Variants in ATXN2 observed in about 807,000 individuals in gnomAD.
ATXN2 encodes ataxin 2, also known as ataxin-2.
A neutral mutation model predicts 138.6 loss-of-function variants in ATXN2; 37 were observed. The ratio of observed to expected loss-of-function variants is 0.27; its 90% CI spans 0.21 to 0.35. ATXN2 has a LOEUF of 0.35. Ranked by LOEUF, ATXN2 falls within the 10% of genes least tolerant of loss-of-function variation. The pLI is 1.00. For synonymous variants in ATXN2, 549 were observed against 543.7 expected (o/e 1.01, Z -0.13); for missense variants, 1,216 against 1,480.3 (o/e 0.82, Z 2.93).
chr12:111,540,156 G>A (rs1468180966), intron 5 of ATXN2, among the ~76,000 whole-genome samples: 1 of 147,564 alleles, frequency 6.8e-6, no homozygotes, highest in African/African-American at 2.6e-5. Flanking sequence ...AGAAATTAGA[G>A]ATAATTTATC....
chr12:111,458,029 C>T (rs1875248613), intron 21 of ATXN2: 1 of 152,198 alleles, frequency 6.6e-6, no homozygotes, highest in Admixed American at 6.5e-5. Context: ...CTTCAAAGGA[C>T]AACATGATGG....
At chr12:111,551,274 G>C (rs1882103033) in intron 5 of ATXN2, among the ~76,000 whole-genome samples, 1 of 150,566 alleles carries the variant, frequency 6.6e-6, no homozygotes, top group Non-Finnish European at 1.5e-5. Context: ...TCCACCCAGG[G>C]GACAGAACAA....
chr12:111,572,524 G>T (rs551302747), intron 1 of ATXN2, among the ~76,000 whole-genome samples: 3 of 152,300 alleles, frequency 2.0e-5, no homozygotes, highest in Admixed American at 6.5e-5. Flanking sequence ...TTTAAGCAGA[G>T]GGGTAACCCA....
At chr12:111,485,379 A>G (rs777589889) in intron 17 of ATXN2, 48 bp from the exon 18 acceptor site, 1 of 1,512,110 alleles carries the variant, frequency 6.6e-7, no homozygotes, top group Non-Finnish European at 9.1e-7. Context: ...TATGATAATA[A>G]CAAGGTATTC....
chr12:111,577,366 C>T (rs570321193), intron 1 of ATXN2, among the ~76,000 whole-genome samples: 10 of 152,066 alleles, frequency 6.6e-5, no homozygotes, highest in South Asian at 2.1e-4. Flanking sequence ...CCCGGGTTCA[C>T]GCCATTCTCC....
chr12:111,474,424 A>C (rs1169491394), intron 18 of ATXN2, among the ~76,000 whole-genome samples: 2 of 152,046 alleles, frequency 1.3e-5, no homozygotes, highest in Non-Finnish European at 2.9e-5. Context: ...CAAACAAAAA[A>C]ACAAAGAAGA....
intron 5 of ATXN2, among the ~76,000 whole-genome samples, chr12:111,529,131 T>A (rs535764860): frequency 0.011 from 1,584 of 145,028 alleles, 10 homozygotes; most frequent in African/African-American, 0.016. Context: ...GTCTGGATTT[T>A]AAAAAAAAAA....
At chr12:111,557,613 C>T (rs578013360) in intron 1 of ATXN2, among the ~76,000 whole-genome samples, 1 of 152,250 alleles carries the variant, frequency 6.6e-6, no homozygotes, top group African/African-American at 2.4e-5. Flanking sequence ...AGTATCTTGA[C>T]CAAAATCATC....
intron 18 of ATXN2, among the ~76,000 whole-genome samples, chr12:111,481,141 C>T (rs1169018987): frequency 6.6e-6 from 1 of 152,114 alleles, no homozygotes; most frequent in Admixed American, 6.6e-5. Context: ...GAAATTCCAT[C>T]TCTACTAAAA....
chr12:111,487,020 A>G lies in ATXN2; in HGVS notation c.2241-196T>C, dbSNP rs111278009. On this transcript the variant is annotated intron_variant, in intron 15 of 24. Transcript: ENST00000673436. ...ATCCCTTAAAGAATACAGCCATAAA[A>G]GAACAATTTTTTAAAAATCTGAGTA... 7.9e-5 allele frequency among the ~76,000 whole-genome samples: 12 copies of G among 152,344 alleles called. 2 individuals are homozygous for G. The highest frequency in any genetic ancestry group is 2.9e-4 in the African/African-American group (12 of 41,584).
rs753517879 is a variant in ATXN2, at chr12:111,516,339, G to A, written c.1190C>T (p.Pro397Leu). The A allele has an allele frequency of 1.9e-6, 3 of 1,585,090 alleles. No homozygotes were observed. Among genetic ancestry groups the A allele is most frequent in the Admixed American group, 3.8e-5 (2 of 53,190 alleles). Reference protein sequence around the residue: ...NGGVPWPSPCPSPSSRPPSRY... With the variant: ...NGGVPWPSPCLSPSSRPPSRY... ...AGAAGGTGGGCGAGAGGAAGGAGAT[G>A]GGCAAGGCGATGGCCAGGGAACACC... The change falls in exon 10 of 25, where the codon CCA (proline) becomes CTA (leucine). Residue 397 changes from proline (P) to leucine (L), a missense_variant. Coordinates refer to ENST00000673436, the MANE Select transcript of ATXN2 (RefSeq NM_001372574.1). The surrounding 1 kb of genome is among the most constrained non-coding windows in gnomAD (Gnocchi z 5.0).
At chr12:111,560,547 T>C (rs556123991) in intron 1 of ATXN2, among the ~76,000 whole-genome samples, 1 of 151,674 alleles carries the variant, frequency 6.6e-6, no homozygotes, top group African/African-American at 2.4e-5. Flanking sequence ...GATTCTAGAG[T>C]GATGGTAGGC....
In ATXN2 at chr12:111,598,216, G is replaced by A; in HGVS notation, c.251+568C>T. The A allele has an allele frequency of 9.5e-7, 1 of 1,052,220 alleles. No individual in the cohort carries two copies. Among genetic ancestry groups the A allele is most frequent in the Non-Finnish European group, 1.2e-6 (1 of 868,186 alleles). The allele number at this position is 1,052,220 out of a possible 1,614,324, so 65.2% of individuals were successfully genotyped here. On this transcript the variant is annotated intron_variant, in intron 1 of 24. Transcript: ENST00000673436. The surrounding 1 kb of genome is among the most constrained non-coding windows in gnomAD (Gnocchi z 4.5). ...CCTCCGATCTTTCCCAGGACTCGGAGGGGGCGGGGAGAGAGCCCCGACAGA... is the reference window on the plus strand; with the variant it reads ...CCTCCGATCTTTCCCAGGACTCGGAAGGGGCGGGGAGAGAGCCCCGACAGA...
rs572229361 is a variant in ATXN2 at position 111,461,765 on chromosome 12, C to CA, written c.2896+2896dup. On this transcript the variant is annotated intron_variant, in intron 21 of 24. Transcript: ENST00000673436. ...TGAAACCCTGTCTCTACTAAAAATA[C>CA]AAAAAAAATTAGCTGGGTGTGGCAG... is the stretch of plus-strand genomic sequence containing the variant. Among the ~76,000 whole-genome samples, 718 of 151,156 alleles carry CA rather than the reference C, an allele frequency of 4.8e-3. 3 individuals are homozygous for CA. The highest frequency in any genetic ancestry group is 0.016 in the African/African-American group (663 of 41,276).
chr12:111,471,007 A>G, intron 18 of ATXN2: 1 of 444,072 alleles, frequency 2.3e-6, no homozygotes, highest in Non-Finnish European at 4.1e-6. Context: ...CCTCAGAGGG[A>G]CTTTCTCTCA....
intron 16 of ATXN2, 110 bp downstream of exon 16, chr12:111,486,651 G>T: frequency 1.3e-6 from 1 of 788,396 alleles, no homozygotes; most frequent in Non-Finnish European, 2.1e-6. Context: ...AAAGAAGGTT[G>T]GTTCAGCACA....
At position 111,519,606 on chromosome 12, in the gene ATXN2, C is replaced by T. The variant is rs150383897; in HGVS notation, c.986+273G>A. Among the ~76,000 whole-genome samples the T allele has an allele frequency of 8.0e-3, 1,223 of 152,264 alleles. 6 individuals are homozygous for T. Among genetic ancestry groups the T allele is most frequent in the Non-Finnish European group, 0.014 (926 of 68,028 alleles). The stretch of plus-strand genomic sequence containing the variant: ...ATATTGTACTGCTGTGATTGTTACA[C>T]GTGTCCCCCACCAGATAACTATTTT... On this transcript the variant is annotated intron_variant, in intron 8 of 24. Coordinates refer to ENST00000673436, the MANE Select transcript of ATXN2 (RefSeq NM_001372574.1).
intron 5 of ATXN2, among the ~76,000 whole-genome samples, chr12:111,525,743 G>A (rs1340802825): frequency 6.6e-6 from 1 of 150,738 alleles, no homozygotes; most frequent in African/African-American, 2.4e-5. Context: ...GGAATGCAGT[G>A]GCGTGATCTC....
rs1885043710 is a variant in ATXN2, at chr12:111,598,334, G to A, written c.251+450C>T. 1.0e-6 allele frequency: 1 copy of A among 991,760 alleles called. No individual in the cohort carries two copies. The allele number at this position is 991,760 out of a possible 1,614,324, so 61.4% of individuals were successfully genotyped here. ...CTCCCCTCCAGAGATGTCCCCCATG[G>A]AGGGGGACATGTTCCGGAAAACGCC... On this transcript the variant is annotated intron_variant, in intron 1 of 24. Coordinates refer to ENST00000673436, the MANE Select transcript of ATXN2 (RefSeq NM_001372574.1). The surrounding 1 kb of genome is among the most constrained non-coding windows in gnomAD (Gnocchi z 4.5).
Sources: allele counts gnomAD v4.1 joint callset (sites outside exome capture counted in the v4.1 genomes callset), GRCh38; gene constraint gnomAD v4.1.1; non-coding constraint Gnocchi (gnomAD v3.1); transcripts MANE v1.5; gene names NCBI Gene and HGNC (gene_info 2026-07-23, HGNC 2026-07-21).